The following CDH8 variants were observed in gnomAD, a reference collection of about 807,000 sequenced individuals.
CDH8 encodes cadherin-8.
CDH8 carries 17 observed loss-of-function variants against 68.1 expected under a neutral mutation model. The ratio of observed to expected loss-of-function variants is 0.25; its 90% CI spans 0.17 to 0.37. The LOEUF is 0.37. CDH8 is among the 10% of genes least tolerant of loss of function. The probability of loss-of-function intolerance (pLI) is 1.00; values close to 1 mark genes in which losing one functional copy is unlikely to be tolerated. For missense variants in CDH8, 763 were observed against 999.3 expected (o/e 0.76, Z 3.19); for synonymous variants, 372 against 365.1 (o/e 1.02, Z -0.21).
At chr16:61,980,741 A>C (rs566921879) in intron 2 of CDH8, among the ~76,000 whole-genome samples, 1 of 152,344 alleles carries the variant, frequency 6.6e-6, no homozygotes, top group South Asian at 2.1e-4. Context: ...ACTTTCCAGA[A>C]AAGTTTGCCA....
intron 10 of CDH8, chr16:61,711,733 T>C (rs1440766711): frequency 6.6e-6 from 1 of 151,678 alleles, no homozygotes; most frequent in Non-Finnish European, 1.5e-5. Flanking sequence ...GAAGGAGATG[T>C]TGAAGATTTG....
At chr16:61,749,801 A>G (rs1014796726) in intron 8 of CDH8, among the ~76,000 whole-genome samples, 2 of 152,070 alleles carry the variant, frequency 1.3e-5, no homozygotes, top group African/African-American at 4.8e-5. Context: ...CCATAAACAC[A>G]CCTTTCTCCT....
intron 7 of CDH8, among the ~76,000 whole-genome samples, chr16:61,801,803 T>C (rs1278016988): frequency 6.6e-6 from 1 of 152,200 alleles, no homozygotes; most frequent in Non-Finnish European, 1.5e-5. Flanking sequence ...CACACCTGGC[T>C]CGGAGGGCCC....
chr16:61,819,031 G>T, intron 6 of CDH8, among the ~76,000 whole-genome samples: 2 of 147,008 alleles, frequency 1.4e-5, no homozygotes, highest in African/African-American at 2.5e-5. Flanking sequence ...TCCATGAATA[G>T]ATCATGCAAC....
intron 10 of CDH8, among the ~76,000 whole-genome samples, chr16:61,688,847 A>G (rs1418044591): frequency 6.6e-6 from 1 of 151,974 alleles, no homozygotes; most frequent in Non-Finnish European, 1.5e-5. Context: ...CGATGTTTTC[A>G]ATGGAATAAA....
intron 3 of CDH8, among the ~76,000 whole-genome samples, chr16:61,898,423 A>G (rs966379932): frequency 1.3e-5 from 2 of 152,166 alleles, no homozygotes; most frequent in African/African-American, 4.8e-5. Flanking sequence ...ACCTGAAATC[A>G]CTTGTGATTT....
chr16:61,694,499 T>C (rs1432335874), intron 10 of CDH8, among the ~76,000 whole-genome samples: 1 of 151,878 alleles, frequency 6.6e-6, no homozygotes, highest in Non-Finnish European at 1.5e-5. Context: ...GGTGATGGGG[T>C]TTGGTCATAT....
chr16:61,990,305 C>CTTTTTTTT (rs71134381), intron 2 of CDH8, among the ~76,000 whole-genome samples: 1 of 82,982 alleles, frequency 1.2e-5, no homozygotes, highest in Non-Finnish European at 2.4e-5. Flanking sequence ...TGAAGAAGTC[C>CTTTTTTTT]TTTTTTTTTT....
intron 2 of CDH8, among the ~76,000 whole-genome samples, chr16:61,938,891 G>A (rs545914540): frequency 1.5e-3 from 227 of 152,296 alleles, no homozygotes; most frequent in African/African-American, 5.2e-3. Context: ...TACTAAATGA[G>A]ATGATATATG....
intron 10 of CDH8, among the ~76,000 whole-genome samples, chr16:61,668,616 G>T (rs1963726989): frequency 6.7e-6 from 1 of 149,530 alleles, no homozygotes. Context: ...TATCTATTTG[G>T]ATTTATGAAG....
At chr16:61,654,243 C>T in intron 11 of CDH8, 142 bp from the exon 12 acceptor site, 1 of 696,128 alleles carries the variant, frequency 1.4e-6, no homozygotes. Flanking sequence ...GAAAATTAAG[C>T]TAAACATCTT....
At chr16:61,744,412 G>A (rs1302740929) in intron 8 of CDH8, among the ~76,000 whole-genome samples, 2 of 151,926 alleles carry the variant, frequency 1.3e-5, no homozygotes, top group African/African-American at 4.8e-5. Flanking sequence ...CTTTCCTTCA[G>A]TTTCAATTTG....
intron 7 of CDH8, among the ~76,000 whole-genome samples, chr16:61,809,830 TAGAG>T (rs1473025422): frequency 5.3e-5 from 8 of 152,118 alleles, no homozygotes; most frequent in Non-Finnish European, 1.2e-4. Flanking sequence ...ATTCTCCCCT[TAGAG>T]GGTGCAATGC....
intron 10 of CDH8, among the ~76,000 whole-genome samples, chr16:61,691,554 A>G (rs1376047051): frequency 6.6e-6 from 1 of 151,578 alleles, no homozygotes; most frequent in Admixed American, 6.6e-5. Context: ...CTCGGACTTT[A>G]GACAAGCAAA....
chr16:61,782,747 C>A (rs982628770), intron 8 of CDH8, among the ~76,000 whole-genome samples: 11 of 152,196 alleles, frequency 7.2e-5, no homozygotes, highest in African/African-American at 1.4e-4. Flanking sequence ...GATCTGAGAA[C>A]GGGCAGACTG....
intron 2 of CDH8, among the ~76,000 whole-genome samples, chr16:61,925,480 A>C (rs964128131): frequency 6.6e-6 from 1 of 152,204 alleles, no homozygotes. Context: ...TATCAGAAGG[A>C]GGAGAAACAT....
chr16:61,661,918 A>G (rs1189615325), intron 10 of CDH8, among the ~76,000 whole-genome samples: 3 of 151,688 alleles, frequency 2.0e-5, no homozygotes, highest in Non-Finnish European at 3.0e-5. Flanking sequence ...TACAATTTTG[A>G]GTACAAGAAG....
In CDH8 at chr16:61,907,191, C is replaced by G. The variant is rs1285487159; in HGVS notation, c.253-5718G>C. ...TCCTTTGTGAGTAGCTATCTTAATA[C>G]CAAATCTACTCAGTTACCAGAGAAG... On this transcript the variant is annotated intron_variant, in intron 2 of 11. Coordinates refer to ENST00000577390, the MANE Select transcript of CDH8 (RefSeq NM_001796.5). Among the ~76,000 whole-genome samples, 5 of 152,148 alleles carry G rather than the reference C, an allele frequency of 3.3e-5. No individual in the cohort carries two copies. The South Asian group carries it at 1.0e-3, about 32-fold the overall frequency.
In CDH8 at chr16:61,789,413, C is replaced by G; in HGVS notation, c.1347G>C (p.Thr449=). The change falls in exon 8 of 12, where the codon ACG becomes ACC. Residue 449 remains threonine (T), a synonymous_variant. Coordinates refer to ENST00000577390, the MANE Select transcript of CDH8 (RefSeq NM_001796.5). ...FNINADDGKI[T]LATPLDRELS... Reference sequence around the variant, plus strand: ...ATTCTCTGTCAAGTGGTGTTGCCAGCGTTATCTTCCCATCGTCTGCATTAA... The same window carrying G: ...ATTCTCTGTCAAGTGGTGTTGCCAGGGTTATCTTCCCATCGTCTGCATTAA... 6.2e-7 allele frequency: 1 copy of G among 1,612,994 alleles called. No homozygotes were observed. The highest frequency in any genetic ancestry group is 8.5e-7 in the Non-Finnish European group (1 of 1,179,236).
Sources: gnomAD v4.1 joint callset for allele counts (sites outside exome capture counted in the v4.1 genomes callset) on GRCh38, gnomAD v4.1.1 for gene constraint, MANE v1.5 for transcripts, NCBI Gene and HGNC (gene_info 2026-07-23, HGNC 2026-07-21) for gene names.